TRIB2: variants seen among roughly 807,000 people sequenced by gnomAD.
The protein encoded by TRIB2 is tribbles homolog 2.
In TRIB2, 2 loss-of-function variants were observed where a neutral mutation model predicts 26.8. That is an observed-to-expected ratio of 0.07 (90% CI 0.03 to 0.24). The LOEUF is 0.24. Ranked by LOEUF, TRIB2 falls within the 10% of genes least tolerant of loss-of-function variation. The pLI, the probability that TRIB2 is intolerant of heterozygous loss-of-function variation, is 1.00. For synonymous variants in TRIB2, 189 were observed against 187.3 expected (o/e 1.01, Z -0.08); for missense variants, 306 against 449.0 (o/e 0.68, Z 2.88).
chr2:12,724,864 C>T lies in TRIB2; in HGVS notation c.563+1312C>T, dbSNP rs188196433. 1.7e-4 allele frequency: 271 copies of T among 1,592,904 alleles called. 2 individuals are homozygous for T. The East Asian group carries it at 4.8e-3, about 28-fold the overall frequency. On this transcript the variant is annotated intron_variant, in intron 2 of 2. Coordinates refer to ENST00000155926, the MANE Select transcript of TRIB2 (RefSeq NM_021643.4). ...AAGATGAATATATGTTGACCCCCAACGATACTGACAAAGGTATTCTCTCTA... is the reference window on the plus strand; with the variant it reads ...AAGATGAATATATGTTGACCCCCAATGATACTGACAAAGGTATTCTCTCTA...
chr2:12,718,343 G>A lies in TRIB2; in HGVS notation c.36G>A (p.Ala12=), dbSNP rs777884568. ...NIHRSTPITI[A]RYGRSRNKTQ... is the part of the protein sequence containing the mutation. Reference sequence around the variant, plus strand: ...ACAGGTCTACCCCCATCACAATAGCGAGATATGGGAGATCGCGGAACAAAA... The same window carrying A: ...ACAGGTCTACCCCCATCACAATAGCAAGATATGGGAGATCGCGGAACAAAA... The change falls in exon 1 of 3, where the codon GCG becomes GCA. Residue 12 remains alanine, a synonymous_variant. Coordinates refer to ENST00000155926, the MANE Select transcript of TRIB2 (RefSeq NM_021643.4). The surrounding 1 kb of genome is among the most constrained non-coding windows in gnomAD (Gnocchi z 4.0). 4 of 1,614,138 alleles carry A rather than the reference G, an allele frequency of 2.5e-6. No homozygotes were observed. Among genetic ancestry groups the A allele is most frequent in the South Asian group, 1.1e-5 (1 of 91,086 alleles).
Position 12,723,250 on chromosome 2 carries a change from C to G in TRIB2, c.271-10C>G. ...CTCTGACTTTGGTCTTACTGTTAAT[C>G]CTGTCGTAGGTGTTTGATATCAGCT... On this transcript the variant is annotated splice_polypyrimidine_tract_variant and intron_variant, in intron 1 of 2. Coordinates refer to ENST00000155926, the MANE Select transcript of TRIB2 (RefSeq NM_021643.4). The G allele has an allele frequency of 6.2e-7, 1 of 1,607,914 alleles. No homozygotes were observed. Among genetic ancestry groups the G allele is most frequent in the Non-Finnish European group, 8.5e-7 (1 of 1,177,930 alleles).
At chr2:12,730,596 G>GT (rs544336381) in intron 2 of TRIB2, among the ~76,000 whole-genome samples, 26 of 152,038 alleles carry the variant, frequency 1.7e-4, no homozygotes, top group Middle Eastern at 3.4e-3. Flanking sequence ...CATTCTGTGG[G>GT]TTTTTTTTGT....
At chr2:12,731,790 G>C (rs1369520115) in intron 2 of TRIB2, among the ~76,000 whole-genome samples, 1 of 152,160 alleles carries the variant, frequency 6.6e-6, no homozygotes, top group Non-Finnish European at 1.5e-5. Context: ...AGGCCTCCCT[G>C]AACTCTGTGA....
chr2:12,736,524 C>T (rs950144918), intron 2 of TRIB2, among the ~76,000 whole-genome samples: 2 of 152,204 alleles, frequency 1.3e-5, no homozygotes, highest in African/African-American at 2.4e-5. Context: ...AGCCCATCCT[C>T]TGTAGAGCTC....
chr2:12,725,650 G>A (rs371680544), intron 2 of TRIB2, among the ~76,000 whole-genome samples: 2 of 152,222 alleles, frequency 1.3e-5, no homozygotes, highest in Non-Finnish European at 2.9e-5. Flanking sequence ...TGACTTTCGC[G>A]AAAGAGCATG....
chr2:12,723,420 G>A lies in TRIB2; in HGVS notation c.431G>A (p.Cys144Tyr), dbSNP rs1253314891. 6.2e-7 allele frequency: 1 copy of A among 1,614,240 alleles called. No individual in the cohort carries two copies. Among genetic ancestry groups the A allele is most frequent in the Non-Finnish European group, 8.5e-7 (1 of 1,180,040 alleles). ...YGDMHSFVRT[C>Y]KKLREEEAAR... Reference sequence around the variant, plus strand: ...GACATGCATTCCTTCGTCCGCACCTGCAAGAAGCTGAGAGAGGAGGAGGCA... The same window carrying A: ...GACATGCATTCCTTCGTCCGCACCTACAAGAAGCTGAGAGAGGAGGAGGCA... The change falls in exon 2 of 3, where the codon TGC becomes TAC. Residue 144 changes from cysteine (C) to tyrosine (Y), a missense_variant. Transcript: ENST00000155926.
chr2:12,726,821 G>A (rs1003894255), intron 2 of TRIB2, among the ~76,000 whole-genome samples: 2 of 152,196 alleles, frequency 1.3e-5, no homozygotes, highest in East Asian at 1.9e-4. Context: ...CAGGCTTTAC[G>A]TGTGAAATTG....
chr2:12,739,079 G>T (rs989915068), intron 2 of TRIB2, among the ~76,000 whole-genome samples: 1 of 152,058 alleles, frequency 6.6e-6, no homozygotes, highest in African/African-American at 2.4e-5. Context: ...TTGGGCTCAT[G>T]GTTCTGTTCA....
intron 2 of TRIB2, among the ~76,000 whole-genome samples, chr2:12,727,383 G>C (rs1558316737): frequency 6.6e-6 from 1 of 152,152 alleles, no homozygotes; most frequent in Non-Finnish European, 1.5e-5. Flanking sequence ...TCGCTCGCCT[G>C]GGCAGCCTAT....
intron 1 of TRIB2, among the ~76,000 whole-genome samples, chr2:12,721,670 A>T (rs188017859): frequency 6.6e-6 from 1 of 152,276 alleles, no homozygotes; most frequent in South Asian, 2.1e-4. Context: ...CTTAAATTCT[A>T]GGTTATAGTG....
At chr2:12,724,403 A>G (rs1661292723) in intron 2 of TRIB2, among the ~76,000 whole-genome samples, 1 of 152,208 alleles carries the variant, frequency 6.6e-6, no homozygotes. Context: ...AACTCCTTCA[A>G]GCCCTTTTTG....
chr2:12,728,135 A>C (rs1447571413), intron 2 of TRIB2, among the ~76,000 whole-genome samples: 2 of 152,046 alleles, frequency 1.3e-5, no homozygotes, highest in Non-Finnish European at 2.9e-5. Flanking sequence ...TTGAAAAATT[A>C]CCTAAGCTTT....
At chr2:12,736,601 C>T (rs186150741) in intron 2 of TRIB2, among the ~76,000 whole-genome samples, 44 of 152,308 alleles carry the variant, frequency 2.9e-4, no homozygotes, top group African/African-American at 9.6e-4. Flanking sequence ...TGCCGGTGAG[C>T]GCACTGAAGC....
chr2:12,730,341 C>T (rs773405105), intron 2 of TRIB2, among the ~76,000 whole-genome samples: 2 of 152,156 alleles, frequency 1.3e-5, no homozygotes, highest in Non-Finnish European at 2.9e-5. Context: ...GTACCCAGGC[C>T]CCTGGCTCCA....
intron 2 of TRIB2, among the ~76,000 whole-genome samples, chr2:12,729,998 C>T (rs1661419619): frequency 6.6e-6 from 1 of 152,172 alleles, no homozygotes; most frequent in South Asian, 2.1e-4. Context: ...AGCCTCATAA[C>T]CCAACAGCCC....
intron 2 of TRIB2, among the ~76,000 whole-genome samples, chr2:12,727,959 C>T (rs1340180495): frequency 6.6e-6 from 1 of 152,138 alleles, no homozygotes; most frequent in African/African-American, 2.4e-5. Context: ...ATTGGGGTGA[C>T]CTGCTTGATC....
At chr2:12,739,920 G>T (rs1174863347) in intron 2 of TRIB2, among the ~76,000 whole-genome samples, 3 of 152,230 alleles carry the variant, frequency 2.0e-5, no homozygotes, top group Admixed American at 2.0e-4. Context: ...AAAGCTGTGG[G>T]CTTCCTGGTT....
chr2:12,729,510 C>T (rs777271705), intron 2 of TRIB2, among the ~76,000 whole-genome samples: 2 of 152,144 alleles, frequency 1.3e-5, no homozygotes, highest in Non-Finnish European at 2.9e-5. Flanking sequence ...GAGCTATTTC[C>T]AAAGTTTCCC....
Sources: allele counts gnomAD v4.1 joint callset (sites outside exome capture counted in the v4.1 genomes callset), GRCh38; gene constraint gnomAD v4.1.1; non-coding constraint Gnocchi (gnomAD v3.1); transcripts MANE v1.5; gene names NCBI Gene and HGNC (gene_info 2026-07-23, HGNC 2026-07-21).